Variants in ZDHHC14 observed in about 807,000 individuals in gnomAD.
ZDHHC14 encodes the protein palmitoyltransferase ZDHHC14.
ZDHHC14 carries 16 observed loss-of-function variants against 47.7 expected under a neutral mutation model. That is an observed-to-expected ratio of 0.34 (90% confidence interval 0.23 to 0.51). The LOEUF (loss-of-function observed/expected upper bound fraction) is 0.51, where lower values mean the gene tolerates loss of function less well. ZDHHC14 is among the 20% of genes least tolerant of loss of function. The probability of loss-of-function intolerance (pLI) is 0.97; values close to 1 mark genes in which losing one functional copy is unlikely to be tolerated. For synonymous variants in ZDHHC14, 293 were observed against 278.9 expected, an observed-to-expected ratio of 1.05 and a Z score of -0.50; for missense variants, 515 against 662.5, an observed-to-expected ratio of 0.78 and a Z score of 2.44.
At chr6:157,525,061 G>A (rs180928306) in intron 1 of ZDHHC14, among the ~76,000 whole-genome samples, 3 of 152,308 alleles carry the variant, frequency 2.0e-5, no homozygotes, top group Admixed American at 6.5e-5. Flanking sequence ...GACTGGGCCC[G>A]GGGAGGATTC....
chr6:157,385,903 T>G (rs1269366681), intron 1 of ZDHHC14, among the ~76,000 whole-genome samples: 4 of 152,246 alleles, frequency 2.6e-5, no homozygotes, highest in African/African-American at 9.6e-5. Context: ...TTTTTAAGCC[T>G]TAGTTTCCCA....
intron 1 of ZDHHC14, among the ~76,000 whole-genome samples, chr6:157,519,380 GA>G (rs5881214): frequency 0.69 from 102,405 of 148,790 alleles, 35,139 homozygotes; most frequent in Admixed American, 0.74. Context: ...GCATTGCCTG[GA>G]AAAAAAAAAA....
chr6:157,542,630 C>T lies in ZDHHC14; in HGVS notation c.291C>T (p.Val97=), dbSNP rs780140876. The T allele has an allele frequency of 1.2e-5, 20 of 1,614,096 alleles. No individual in the cohort carries two copies. Among genetic ancestry groups the T allele is most frequent in the South Asian group, 8.8e-5 (8 of 91,086 alleles). Reference sequence around the variant, plus strand: ...AAATCACCCCTGCCATCCCTGCAGTCGCTGGCATCCTGTTCTTCTTTGTGA... The same window carrying T: ...AAATCACCCCTGCCATCCCTGCAGTTGCTGGCATCCTGTTCTTCTTTGTGA... ...AVKITPAIPA[V]AGILFFFVMG... The change falls in exon 2 of 9, where the codon GTC becomes GTT. Residue 97 remains valine, a synonymous_variant. Transcript: ENST00000359775.
At chr6:157,428,341 G>T (rs996792564) in intron 1 of ZDHHC14, among the ~76,000 whole-genome samples, 2 of 152,106 alleles carry the variant, frequency 1.3e-5, no homozygotes, top group African/African-American at 4.8e-5. Context: ...TGCCAAGCAG[G>T]GTAGTGTTTT....
chr6:157,617,465 A>G (rs1583025837), intron 3 of ZDHHC14, among the ~76,000 whole-genome samples: 1 of 152,136 alleles, frequency 6.6e-6, no homozygotes, highest in East Asian at 1.9e-4. Flanking sequence ...TCAATCCATG[A>G]AGCCGTTGGG....
Position 157,442,548 on chromosome 6 carries a change from C to T in ZDHHC14, c.245+60282C>T, listed in dbSNP as rs555465356. 5.9e-5 allele frequency among the ~76,000 whole-genome samples: 9 copies of T among 152,274 alleles called. No homozygotes were observed. In the South Asian group the frequency reaches 6.2e-4, roughly 11 times the overall value. On this transcript the variant is annotated intron_variant, in intron 1 of 8. Transcript: ENST00000359775. Reference sequence around the variant, plus strand: ...TCTAAGCCCCGCTCTCCCAGTGTGCCGGTTTGTTGGTGGCAAGATAAATAT... The same window carrying T: ...TCTAAGCCCCGCTCTCCCAGTGTGCTGGTTTGTTGGTGGCAAGATAAATAT...
intron 8 of ZDHHC14, among the ~76,000 whole-genome samples, chr6:157,654,041 G>C (rs540539231): frequency 2.0e-5 from 3 of 152,256 alleles, no homozygotes; most frequent in South Asian, 4.2e-4. Flanking sequence ...GCGTGCAGTG[G>C]CTGGTGCTGC....
intron 1 of ZDHHC14, among the ~76,000 whole-genome samples, chr6:157,499,884 G>A (rs111760487): frequency 0.013 from 1,986 of 152,102 alleles, 40 homozygotes; most frequent in African/African-American, 0.045. Context: ...AATATTTGCT[G>A]AGGACTGAGG....
At chr6:157,419,558 C>A (rs1583628988) in intron 1 of ZDHHC14, among the ~76,000 whole-genome samples, 1 of 152,194 alleles carries the variant, frequency 6.6e-6, no homozygotes, top group East Asian at 1.9e-4. Flanking sequence ...TGGGATCATG[C>A]AAGATGTTGC....
At chr6:157,588,128 T>C (rs967054779) in intron 2 of ZDHHC14, among the ~76,000 whole-genome samples, 6 of 151,946 alleles carry the variant, frequency 3.9e-5, no homozygotes, top group African/African-American at 1.2e-4. Flanking sequence ...GGCGTGGTGG[T>C]GCACACCTGT....
intron 1 of ZDHHC14, among the ~76,000 whole-genome samples, chr6:157,534,266 C>G (rs941972446): frequency 2.6e-5 from 4 of 152,186 alleles, no homozygotes; most frequent in Admixed American, 6.5e-5. Flanking sequence ...CGGAAGGGCC[C>G]TGGCTTGCCC....
At position 157,677,400 on chromosome 6, in the gene ZDHHC14, C is replaced by T. The variant is rs887053719; in HGVS notation, c.*4278C>T. The T allele has an allele frequency of 2.0e-5, 3 of 151,618 alleles. No individual in the cohort carries two copies. The highest frequency in any genetic ancestry group is 4.8e-5 in the African/African-American group (2 of 41,246). 9.4% of individuals were successfully genotyped at this position (151,618 alleles called of 1,614,324 possible). A position where few individuals can be genotyped will look rare whatever the true frequency, so the allele number is the denominator to read the frequency against. ...GTAATAGTTTGTAAATCAGTAAATC[C>T]TCTGTCCATCTGCCCATTGTCCATG... On this transcript the variant is annotated 3_prime_UTR_variant, in exon 9 of 9. Coordinates refer to ENST00000359775, the MANE Select transcript of ZDHHC14 (RefSeq NM_024630.3).
chr6:157,419,672 T>A (rs942324603), intron 1 of ZDHHC14, among the ~76,000 whole-genome samples: 1 of 152,240 alleles, frequency 6.6e-6, no homozygotes, highest in Non-Finnish European at 1.5e-5. Context: ...TAATATTCCA[T>A]TGTATGGATA....
chr6:157,558,554 T>C (rs1402569045), intron 2 of ZDHHC14, among the ~76,000 whole-genome samples: 4 of 152,088 alleles, frequency 2.6e-5, no homozygotes, highest in Non-Finnish European at 5.9e-5. Context: ...ATTTCTAATA[T>C]AAGAAAAGCA....
At chr6:157,618,662 A>G (rs964586775) in intron 3 of ZDHHC14, among the ~76,000 whole-genome samples, 1 of 152,136 alleles carries the variant, frequency 6.6e-6, no homozygotes, top group African/African-American at 2.4e-5. Context: ...GCCCTGATTC[A>G]GCTCCTAGAT....
chr6:157,462,943 A>C (rs1779128335), intron 1 of ZDHHC14, among the ~76,000 whole-genome samples: 1 of 152,270 alleles, frequency 6.6e-6, no homozygotes, highest in African/African-American at 2.4e-5. Context: ...TGACCCTCAC[A>C]GAATTACCAA....
chr6:157,399,695 A>G (rs1299764460), intron 1 of ZDHHC14, among the ~76,000 whole-genome samples: 2 of 152,232 alleles, frequency 1.3e-5, no homozygotes, highest in African/African-American at 4.8e-5. Context: ...GGGCTCTCCC[A>G]GGCGCACATT....
chr6:157,627,136 C>T (rs1785466920), intron 3 of ZDHHC14, among the ~76,000 whole-genome samples: 1 of 152,142 alleles, frequency 6.6e-6, no homozygotes, highest in Non-Finnish European at 1.5e-5. Flanking sequence ...TGTCCTCATG[C>T]CCTTTTCAAG....
chr6:157,456,602 C>T (rs1007773979), intron 1 of ZDHHC14, among the ~76,000 whole-genome samples: 2 of 152,160 alleles, frequency 1.3e-5, no homozygotes, highest in Non-Finnish European at 2.9e-5. Context: ...TTCTCCCTGG[C>T]AGTACGAGCT....
Sources: gnomAD v4.1 joint callset for allele counts (sites outside exome capture counted in the v4.1 genomes callset) on GRCh38, gnomAD v4.1.1 for gene constraint, MANE v1.5 for transcripts, NCBI Gene and HGNC (gene_info 2026-07-23, HGNC 2026-07-21) for gene names.